KCNN2: variants seen among roughly 807,000 people sequenced by gnomAD.
KCNN2 encodes potassium calcium-activated channel subfamily N member 2.
A neutral mutation model predicts 55.5 loss-of-function variants in KCNN2; 24 were observed. The observed-to-expected ratio is 0.43, with a 90% confidence interval of 0.31 to 0.61. KCNN2 has a LOEUF of 0.61. Ranked by LOEUF, KCNN2 falls within the 20% of genes least tolerant of loss-of-function variation. KCNN2 has a pLI of 0.08. For synonymous variants in KCNN2, 431 were observed against 336.1 expected, an observed-to-expected ratio of 1.28 and a Z score of -3.09; for missense variants, 754 against 853.6, an observed-to-expected ratio of 0.88 and a Z score of 1.45.
intron 2 of KCNN2, among the ~76,000 whole-genome samples, chr5:114,278,525 T>C (rs1185545091): frequency 6.6e-6 from 1 of 152,240 alleles, no homozygotes; most frequent in African/African-American, 2.4e-5. Flanking sequence ...GCTTCCCTGC[T>C]GCTTTGTTTA....
At chr5:114,473,752 G>C (rs991730621) in intron 5 of KCNN2, among the ~76,000 whole-genome samples, 3 of 152,112 alleles carry the variant, frequency 2.0e-5, no homozygotes, top group Non-Finnish European at 2.9e-5. Flanking sequence ...TCTGTGCCAG[G>C]CACTGTTCCA....
At chr5:114,249,513 C>T (rs891706520) in intron 2 of KCNN2, among the ~76,000 whole-genome samples, 4 of 151,944 alleles carry the variant, frequency 2.6e-5, no homozygotes, top group African/African-American at 7.2e-5. Context: ...TCTCGAATTC[C>T]TGACCCCAAG....
At chr5:114,364,396 A>G (rs561349706) in intron 2 of KCNN2, among the ~76,000 whole-genome samples, 55 of 152,274 alleles carry the variant, frequency 3.6e-4, no homozygotes, top group Non-Finnish European at 6.9e-4. Context: ...GATTGTATCT[A>G]TCTATATAAT....
chr5:114,435,945 G>C (rs1405517144), intron 3 of KCNN2, among the ~76,000 whole-genome samples: 1 of 152,138 alleles, frequency 6.6e-6, no homozygotes, highest in East Asian at 1.9e-4. Context: ...CTTTGTAAGG[G>C]TGCCTTAAAT....
rs144471455 is a variant in KCNN2 at position 114,069,419 on chromosome 5, C to T, written c.-271+12919C>T. ...CTCTTAAAGGCACTTGTGCCAGCAA[C>T]ATCTCCAGTTTTTTTAGTAAATACT... On this transcript the variant is annotated intron_variant, in intron 1 of 10. Coordinates refer to the KCNN2 transcript ENST00000512097. Among the ~76,000 whole-genome samples, 383 of 152,276 alleles carry T rather than the reference C, an allele frequency of 2.5e-3. 1 individual carries two copies. The highest frequency in any genetic ancestry group is 5.9e-3 in the Admixed American group (91 of 15,304).
At chr5:114,078,551 C>A (rs1222643789) in intron 1 of KCNN2, among the ~76,000 whole-genome samples, 3 of 152,150 alleles carry the variant, frequency 2.0e-5, no homozygotes, top group Admixed American at 1.3e-4. Flanking sequence ...AGAAGTGGAA[C>A]CTTCTCTGAA....
intron 1 of KCNN2, among the ~76,000 whole-genome samples, chr5:114,164,618 C>T (rs1192339420): frequency 6.6e-6 from 1 of 152,076 alleles, no homozygotes; most frequent in Non-Finnish European, 1.5e-5. Flanking sequence ...AAATACAACA[C>T]ATCCTAAGGA....
chr5:114,392,464 G>A (rs1758474964), intron 2 of KCNN2, among the ~76,000 whole-genome samples: 1 of 152,156 alleles, frequency 6.6e-6, no homozygotes, highest in South Asian at 2.1e-4. Context: ...GAGTGAACAG[G>A]GTTGCTGGAA....
chr5:114,351,521 C>T (rs1178758781), intron 2 of KCNN2, among the ~76,000 whole-genome samples: 3 of 151,670 alleles, frequency 2.0e-5, no homozygotes, highest in African/African-American at 4.8e-5. Flanking sequence ...TCTCTCATAT[C>T]GATCTTAAGG....
intron 2 of KCNN2, among the ~76,000 whole-genome samples, chr5:114,376,570 G>A (rs1757953457): frequency 6.6e-6 from 1 of 152,208 alleles, no homozygotes; most frequent in African/African-American, 2.4e-5. Context: ...ATGCCCTTGT[G>A]ACATATGCTG....
chr5:114,443,316 A>G (rs925418904), intron 3 of KCNN2, among the ~76,000 whole-genome samples: 2 of 152,116 alleles, frequency 1.3e-5, no homozygotes, highest in East Asian at 3.9e-4. Context: ...GAAAAAAGAA[A>G]AAAAAAAAAG....
chr5:114,308,377 G>T (rs1270740067), intron 2 of KCNN2, among the ~76,000 whole-genome samples: 4 of 152,154 alleles, frequency 2.6e-5, no homozygotes, highest in Non-Finnish European at 5.9e-5. Context: ...CTAAAGAGTG[G>T]GAATGAAGGA....
intron 3 of KCNN2, among the ~76,000 whole-genome samples, chr5:114,412,828 A>G (rs889213963): frequency 2.6e-5 from 4 of 152,268 alleles, no homozygotes; most frequent in African/African-American, 9.6e-5. Context: ...TAAAATATGC[A>G]TTGCAGTGCT....
upstream of KCNN2, among the ~76,000 whole-genome samples, chr5:114,360,591 A>C: frequency 6.6e-6 from 1 of 152,228 alleles, no homozygotes; most frequent in East Asian, 1.9e-4. Context: ...GTAAAGACTT[A>C]AGATGGAGCA....
intron 2 of KCNN2, among the ~76,000 whole-genome samples, chr5:114,221,734 T>C (rs1300280316): frequency 6.6e-6 from 1 of 152,188 alleles, no homozygotes; most frequent in Non-Finnish European, 1.5e-5. Context: ...TACCTGCCTA[T>C]TTCTCTCACT....
chr5:114,327,400 G>T (rs977027064), intron 2 of KCNN2, among the ~76,000 whole-genome samples: 4 of 152,160 alleles, frequency 2.6e-5, no homozygotes, highest in African/African-American at 7.2e-5. Flanking sequence ...AATGGGATTT[G>T]GATAAACACT....
intron 2 of KCNN2, among the ~76,000 whole-genome samples, chr5:114,300,097 T>G (rs975747153): frequency 1.3e-5 from 2 of 152,114 alleles, no homozygotes; most frequent in Non-Finnish European, 2.9e-5. Context: ...CTCCTTTCCC[T>G]TCTTACAAAA....
chr5:114,294,404 G>A (rs58449748), intron 2 of KCNN2, among the ~76,000 whole-genome samples: 16,425 of 151,848 alleles, frequency 0.11, 955 homozygotes, highest in African/African-American at 0.15. Flanking sequence ...CTTTGTTCTC[G>A]TTGGTTTCAA....
At chr5:114,250,134 A>G (rs1450326888) in intron 2 of KCNN2, among the ~76,000 whole-genome samples, 1 of 152,102 alleles carries the variant, frequency 6.6e-6, no homozygotes, top group Non-Finnish European at 1.5e-5. Flanking sequence ...GTGTATTTTC[A>G]TTTTTCTGTA....
Sources: allele counts gnomAD v4.1 joint callset (sites outside exome capture counted in the v4.1 genomes callset), GRCh38; gene constraint gnomAD v4.1.1; transcripts MANE v1.5; gene names NCBI Gene and HGNC (gene_info 2026-07-23, HGNC 2026-07-21).